Variants in COL4A2 observed in about 807,000 individuals in gnomAD.
The protein encoded by COL4A2 is collagen type IV alpha 2 chain, also known as collagen alpha-2(IV) chain.
A neutral mutation model predicts 200.2 loss-of-function variants in COL4A2; 99 were observed. The observed-to-expected ratio is 0.49, with a 90% confidence interval of 0.42 to 0.58. The LOEUF (loss-of-function observed/expected upper bound fraction) is 0.58. COL4A2 is among the 20% of genes least tolerant of loss of function. The pLI, the probability that COL4A2 is intolerant of heterozygous loss-of-function variation, is 0.00. For synonymous variants in COL4A2, 897 were observed against 900.6 expected, an observed-to-expected ratio of 1.00 and a Z score of 0.07; for missense variants, 1,950 against 2,314.1, an observed-to-expected ratio of 0.84 and a Z score of 3.23.
chr13:110,359,258 T>G (rs1172989751), intron 4 of COL4A2, among the ~76,000 whole-genome samples: 1 of 152,254 alleles, frequency 6.6e-6, no homozygotes, highest in Non-Finnish European at 1.5e-5. Context: ...TCAATCAAAG[T>G]GATTGATCTC....
At chr13:110,372,009 G>A (rs1878033637) in intron 4 of COL4A2, among the ~76,000 whole-genome samples, 1 of 151,330 alleles carries the variant, frequency 6.6e-6, no homozygotes, top group South Asian at 2.1e-4. Flanking sequence ...GAGGAGCTGG[G>A]AGATTCCGCT....
chr13:110,506,690 C>A, intron 46 of COL4A2, 84 bp downstream of exon 46: 3 of 1,383,578 alleles, frequency 2.2e-6, no homozygotes, highest in Middle Eastern at 2.4e-4. Context: ...GCGAGACTCC[C>A]AAACCCTCCA....
At chr13:110,428,820 A>C (rs1209778077) in intron 7 of COL4A2, among the ~76,000 whole-genome samples, 2 of 152,216 alleles carry the variant, frequency 1.3e-5, no homozygotes, top group African/African-American at 4.8e-5. Flanking sequence ...CCCAAGTGTC[A>C]CTTCATTTTC....
chr13:110,509,260 TATATATATATACAC>T (rs1314228691), intron 47 of COL4A2, among the ~76,000 whole-genome samples: 1,845 of 122,304 alleles, frequency 0.015, 48 homozygotes, highest in African/African-American at 0.058. Flanking sequence ...TATATATATA[TATATATATATACAC>T]ACACACACAC....
chr13:110,436,450 A>G, intron 13 of COL4A2, 83 bp downstream of exon 13: 1 of 1,499,816 alleles, frequency 6.7e-7, no homozygotes, highest in Non-Finnish European at 9.0e-7. Context: ...ATTCAACCAC[A>G]TTCCAAGTAG....
intron 10 of COL4A2, chr13:110,430,888 C>T (rs1009951817): frequency 9.4e-6 from 6 of 639,106 alleles, no homozygotes; most frequent in Non-Finnish European, 1.8e-5. Flanking sequence ...CCACCCCATA[C>T]CTACCCAGTG....
At chr13:110,506,657 G>A (rs927244241) in intron 46 of COL4A2, 51 bp downstream of exon 46, 1 of 1,519,150 alleles carries the variant, frequency 6.6e-7, no homozygotes, top group Non-Finnish European at 8.8e-7. Context: ...TGGCCCGGAA[G>A]TGGCCAAGAT....
intron 17 of COL4A2, among the ~76,000 whole-genome samples, chr13:110,446,116 C>A (rs904180405): frequency 1.3e-5 from 2 of 152,212 alleles, no homozygotes; most frequent in Non-Finnish European, 2.9e-5. Flanking sequence ...TAGGGGTGCG[C>A]TCAGGCACAG....
At chr13:110,389,928 T>G (rs1373638529) in intron 4 of COL4A2, among the ~76,000 whole-genome samples, 1 of 152,196 alleles carries the variant, frequency 6.6e-6, no homozygotes, top group Admixed American at 6.5e-5. Flanking sequence ...TTTTACTCCC[T>G]TCTCAAAAAT....
intron 35 of COL4A2, 97 bp from the exon 36 acceptor site, chr13:110,489,614 A>G: frequency 6.3e-7 from 1 of 1,593,484 alleles, no homozygotes; most frequent in Non-Finnish European, 8.6e-7. Flanking sequence ...TTTAAAACAA[A>G]TTATTCTTGT....
At chr13:110,438,811 C>CT in intron 15 of COL4A2, 143 bp downstream of exon 15, 3 of 668,214 alleles carry the variant, frequency 4.5e-6, no homozygotes, top group African/African-American at 3.9e-5. Context: ...CACCCCCCCC[C>CT]ACACACACAC....
intron 3 of COL4A2, among the ~76,000 whole-genome samples, chr13:110,319,321 G>A (rs1221924146): frequency 6.6e-6 from 1 of 152,150 alleles, no homozygotes; most frequent in African/African-American, 2.4e-5. Context: ...CAGTCAAGGT[G>A]TAACTAACTT....
chr13:110,460,429 T>C (rs1881980453), intron 22 of COL4A2, among the ~76,000 whole-genome samples: 1 of 152,232 alleles, frequency 6.6e-6, no homozygotes, highest in South Asian at 2.1e-4. Context: ...AAAGTGGCTC[T>C]AGTATTCAGA....
intron 30 of COL4A2, among the ~76,000 whole-genome samples, chr13:110,479,767 G>T (rs1882831619): frequency 6.6e-6 from 1 of 152,214 alleles, no homozygotes; most frequent in Non-Finnish European, 1.5e-5. Context: ...GTGATGAGAT[G>T]GGAGCACGGA....
chr13:110,319,639 G>A (rs551388684), intron 3 of COL4A2, among the ~76,000 whole-genome samples: 42 of 152,276 alleles, frequency 2.8e-4, no homozygotes, highest in African/African-American at 9.6e-4. Context: ...GAAGATTCCC[G>A]CTGGAAATTT....
At chr13:110,443,719 G>C (rs1881220558) in intron 16 of COL4A2, among the ~76,000 whole-genome samples, 1 of 152,176 alleles carries the variant, frequency 6.6e-6, no homozygotes, top group Non-Finnish European at 1.5e-5. Context: ...GAGCTTGCTA[G>C]CAGGAGTACA....
At chr13:110,411,220 C>T (rs1879820717) in intron 4 of COL4A2, among the ~76,000 whole-genome samples, 1 of 152,220 alleles carries the variant, frequency 6.6e-6, no homozygotes, top group African/African-American at 2.4e-5. Flanking sequence ...GAACACAAAG[C>T]TCGTCTTCTC....
At chr13:110,442,290 A>G (rs1881157642) in intron 16 of COL4A2, among the ~76,000 whole-genome samples, 1 of 152,196 alleles carries the variant, frequency 6.6e-6, no homozygotes, top group Non-Finnish European at 1.5e-5. Context: ...GCGAAGATGC[A>G]GATATTTCCA....
At chr13:110,310,721 C>A (rs1220020614) in intron 3 of COL4A2, among the ~76,000 whole-genome samples, 1 of 152,106 alleles carries the variant, frequency 6.6e-6, no homozygotes, top group Admixed American at 6.5e-5. Context: ...CCGCTGGGAG[C>A]CCTTTGGCTT....
Sources: gnomAD v4.1 joint callset for allele counts (sites outside exome capture counted in the v4.1 genomes callset) on GRCh38, gnomAD v4.1.1 for gene constraint, MANE v1.5 for transcripts, NCBI Gene and HGNC (gene_info 2026-07-23, HGNC 2026-07-21) for gene names.